Variants in NKAIN3 observed in about 807,000 individuals in gnomAD.
NKAIN3 encodes the protein sodium/potassium transporting ATPase interacting 3.
Under a neutral mutation model 30.2 loss-of-function variants are expected in NKAIN3, and 25 were observed. The observed-to-expected ratio is 0.83, with a 90% CI of 0.60 to 1.16. NKAIN3 has a LOEUF of 1.16. Among genes scored for constraint, NKAIN3 ranks in the 50% most tolerant of loss-of-function variants. The pLI is 0.00. For synonymous variants in NKAIN3, 91 were observed against 89.6 expected, an observed-to-expected ratio of 1.02 and a Z score of -0.09; for missense variants, 225 against 254.1, an observed-to-expected ratio of 0.89 and a Z score of 0.78.
At chr8:62,933,238 T>C (rs183625522) in intron 5 of NKAIN3, among the ~76,000 whole-genome samples, 38 of 152,146 alleles carry the variant, frequency 2.5e-4, no homozygotes, top group African/African-American at 8.7e-4. Context: ...ATGGAGATTG[T>C]CCTAGGAAAG....
At chr8:62,274,873 G>A (rs1380090433) in intron 1 of NKAIN3, among the ~76,000 whole-genome samples, 2 of 151,298 alleles carry the variant, frequency 1.3e-5, no homozygotes, top group African/African-American at 4.9e-5. Context: ...GCGATAGTTT[G>A]CTGAGAATGA....
intron 1 of NKAIN3, among the ~76,000 whole-genome samples, chr8:62,400,142 G>A (rs571629965): frequency 1.3e-5 from 2 of 151,052 alleles, no homozygotes; most frequent in South Asian, 2.1e-4. Context: ...GAGAGTTCCT[G>A]TGTGGTAGAT....
chr8:62,796,679 TG>T (rs1384396276), intron 4 of NKAIN3, among the ~76,000 whole-genome samples: 4 of 152,132 alleles, frequency 2.6e-5, no homozygotes, highest in African/African-American at 9.7e-5. Flanking sequence ...TATCTTGTAC[TG>T]TGCAGAGGAA....
At chr8:62,771,791 A>G (rs1400743772) in intron 4 of NKAIN3, among the ~76,000 whole-genome samples, 1 of 152,170 alleles carries the variant, frequency 6.6e-6, no homozygotes, top group Non-Finnish European at 1.5e-5. Context: ...GGAACATAGT[A>G]GATATACATA....
intron 1 of NKAIN3, among the ~76,000 whole-genome samples, chr8:62,515,426 G>T (rs1177101755): frequency 6.6e-6 from 1 of 152,082 alleles, no homozygotes; most frequent in South Asian, 2.1e-4. Context: ...TCTCTCCCAT[G>T]CCACAAACAA....
downstream of NKAIN3, among the ~76,000 whole-genome samples, chr8:62,988,535 G>C (rs1563656494): frequency 6.6e-6 from 1 of 152,236 alleles, no homozygotes; most frequent in East Asian, 1.9e-4. Context: ...CCAAGGCTTG[G>C]GGCTTGCACC....
chr8:62,930,538 G>A (rs1376633595), intron 5 of NKAIN3, among the ~76,000 whole-genome samples: 3 of 152,122 alleles, frequency 2.0e-5, no homozygotes, highest in Non-Finnish European at 4.4e-5. Flanking sequence ...ACAGGCGTGA[G>A]TCACAGCGAC....
intron 1 of NKAIN3, among the ~76,000 whole-genome samples, chr8:62,430,366 GGTGTGTGTGTGTGTGTGTGTGT>G (rs59837325): frequency 8.4e-5 from 12 of 142,460 alleles, no homozygotes; most frequent in Admixed American, 1.4e-4. Context: ...TATATATTGT[GGTGTGTGTGTGTGTGTGTGTGT>G]GTGTGTGTGT....
At chr8:62,846,969 T>C (rs1819706753) in intron 4 of NKAIN3, among the ~76,000 whole-genome samples, 1 of 152,106 alleles carries the variant, frequency 6.6e-6, no homozygotes, top group South Asian at 2.1e-4. Flanking sequence ...TTCACTACCA[T>C]GAAAACAGTA....
chr8:62,657,228 AT>A (rs765776531), intron 3 of NKAIN3, among the ~76,000 whole-genome samples: 25 of 152,330 alleles, frequency 1.6e-4, no homozygotes, highest in South Asian at 6.2e-4. Context: ...GTTTTTCAAT[AT>A]TTCATAAGTA....
chr8:62,668,109 C>T (rs1481802531), intron 3 of NKAIN3, among the ~76,000 whole-genome samples: 1 of 118,592 alleles, frequency 8.4e-6, no homozygotes, highest in African/African-American at 5.2e-5. Context: ...CACACACACA[C>T]ATACACACAC....
chr8:62,710,675 G>A (rs982152872), intron 3 of NKAIN3, among the ~76,000 whole-genome samples: 7 of 152,066 alleles, frequency 4.6e-5, no homozygotes, highest in African/African-American at 1.2e-4. Flanking sequence ...CCATTCTGTG[G>A]TTCTGTATCT....
downstream of NKAIN3, among the ~76,000 whole-genome samples, chr8:62,987,252 G>A (rs983322749): frequency 6.6e-6 from 1 of 152,072 alleles, no homozygotes; most frequent in Non-Finnish European, 1.5e-5. Flanking sequence ...CATCAACTGG[G>A]TGTGGTGGCT....
chr8:62,375,428 G>C (rs1817043053), intron 1 of NKAIN3, among the ~76,000 whole-genome samples: 1 of 152,176 alleles, frequency 6.6e-6, no homozygotes, highest in East Asian at 1.9e-4. Flanking sequence ...AATCATTCAA[G>C]GTGCTGTGCT....
intron 4 of NKAIN3, among the ~76,000 whole-genome samples, chr8:62,876,043 C>G (rs934345027): frequency 1.3e-5 from 2 of 152,128 alleles, no homozygotes; most frequent in Non-Finnish European, 2.9e-5. Context: ...AACAGGCAAC[C>G]TACAGATTGG....
chr8:62,844,763 C>G (rs1819625363), intron 4 of NKAIN3, among the ~76,000 whole-genome samples: 1 of 152,088 alleles, frequency 6.6e-6, no homozygotes, highest in Admixed American at 6.6e-5. Flanking sequence ...GAAAGAATTC[C>G]TGGTCAAAGG....
At chr8:62,857,258 C>T (rs1378156780) in intron 4 of NKAIN3, 1 of 199,364 alleles carries the variant, frequency 5.0e-6, no homozygotes, top group Non-Finnish European at 1.0e-5. Flanking sequence ...TTTCTCTTAA[C>T]ATTATTTGCT....
Position 62,445,675 on chromosome 8 carries a change from T to C in NKAIN3, c.55-133864T>C, listed in dbSNP as rs1261450329. ...GTAGTAGAGATGGTGAGAGTTTCAT[T>C]CTGTATTGGTCCTCTCTGTCCTCAC... is the stretch of plus-strand genomic sequence containing the variant. On this transcript the variant is annotated intron_variant, in intron 1 of 6. Coordinates refer to ENST00000623646, the MANE Select transcript of NKAIN3 (RefSeq NM_001304533.3). Among the ~76,000 whole-genome samples the C allele has an allele frequency of 2.6e-5, 4 of 152,128 alleles. No homozygotes were observed. In the East Asian group the frequency reaches 7.7e-4, roughly 29 times the overall value.
At chr8:62,587,346 A>T (rs899371010) in intron 2 of NKAIN3, among the ~76,000 whole-genome samples, 4 of 152,058 alleles carry the variant, frequency 2.6e-5, no homozygotes, top group African/African-American at 9.7e-5. Flanking sequence ...ATTACACAAT[A>T]TTGCTAAAAC....
Sources: allele counts gnomAD v4.1 joint callset (sites outside exome capture counted in the v4.1 genomes callset), GRCh38; gene constraint gnomAD v4.1.1; transcripts MANE v1.5; gene names NCBI Gene and HGNC (gene_info 2026-07-23, HGNC 2026-07-21).